The following CASP4 variants were observed in gnomAD, a reference collection of about 807,000 sequenced individuals.
CASP4 encodes the protein caspase 4.
A neutral mutation model predicts 41.3 loss-of-function variants in CASP4; 29 were observed. The ratio of observed to expected loss-of-function variants is 0.70; its 90% CI spans 0.52 to 0.96. The LOEUF is 0.96. Among genes scored for constraint, CASP4 ranks in the 40% least tolerant of loss-of-function variants. The pLI is 0.00. For synonymous variants in CASP4, 185 were observed against 158.4 expected, an observed-to-expected ratio of 1.17 and a Z score of -1.26; for missense variants, 447 against 460.6, an observed-to-expected ratio of 0.97 and a Z score of 0.27.
chr11:104,946,334 A>C (rs1860457867), intron 7 of CASP4, among the ~76,000 whole-genome samples: 2 of 152,184 alleles, frequency 1.3e-5, no homozygotes, highest in South Asian at 4.1e-4. Context: ...ATAATTATTA[A>C]TTGAATATCT....
At chr11:104,953,971 G>C (rs1038486672) in intron 2 of CASP4, among the ~76,000 whole-genome samples, 1 of 152,124 alleles carries the variant, frequency 6.6e-6, no homozygotes, top group Non-Finnish European at 1.5e-5. Context: ...ATGAAAACTA[G>C]TATTTATTGA....
rs139811045 is a variant in CASP4 at position 104,951,064 on chromosome 11, C to T, written c.407G>A (p.Arg136His). The change falls in exon 4 of 9, where the codon CGC (arginine) becomes CAC (histidine). Residue 136 changes from arginine to histidine, a missense_variant. Physicochemically the swap from Arg to His is conservative, Grantham distance 29 (BLOSUM62 0). Transcript: ENST00000444739. ...YPIKERNNRTRLALIICNTEF... is the reference protein window; with the variant it reads ...YPIKERNNRTHLALIICNTEF... ...TGTATTGCATATGATGAGAGCCAGG[C>T]GTGTGCGGTTGTTTCTCTCCTTTAT... 2.1e-4 allele frequency: 340 copies of T among 1,613,076 alleles called. 3 individuals carry two copies. Among genetic ancestry groups the T allele is most frequent in the Non-Finnish European group, 2.5e-4 (292 of 1,179,438 alleles).
intron 1 of CASP4, among the ~76,000 whole-genome samples, chr11:104,959,339 C>A (rs1860808333): frequency 6.6e-6 from 1 of 152,012 alleles, no homozygotes; most frequent in South Asian, 2.1e-4. Flanking sequence ...AGGCCAGGCA[C>A]CAAAACACAA....
In CASP4 at chr11:104,954,931, C is replaced by T. The variant is rs55767261; in HGVS notation, c.78G>A (p.Leu26=). ...SLGKDFLTGV[L]DNLVEQNVLN... ...GTACATTTTGTTCCACCAAGTTATC[C>T]AAAACACCAGTGAGGAAATCTTTGC... Residue 26 remains leucine (L), a synonymous_variant, in exon 2 of 9, where the codon TTG becomes TTA. Coordinates refer to ENST00000444739, the MANE Select transcript of CASP4 (RefSeq NM_001225.4). 30 of 1,613,356 alleles carry T rather than the reference C, an allele frequency of 1.9e-5. No individual in the cohort carries two copies. In the Admixed American group the frequency reaches 4.8e-4, roughly 26 times the overall value.
chr11:104,948,157 C>G (rs1323375463), intron 6 of CASP4: 3 of 153,604 alleles, frequency 2.0e-5, no homozygotes, highest in African/African-American at 7.2e-5. Flanking sequence ...AGGGTATCCA[C>G]AGTTCTAGCA....
chr11:104,964,539 T>C (rs1414563300), intron 1 of CASP4, among the ~76,000 whole-genome samples: 11 of 152,248 alleles, frequency 7.2e-5, no homozygotes, highest in African/African-American at 2.7e-4. Flanking sequence ...TCTGTTTTCT[T>C]TTGTAACATG....
Position 104,949,651 on chromosome 11 carries a change from T to C in CASP4, c.673A>G (p.Lys225Glu). 10 of 1,613,936 alleles carry C rather than the reference T, an allele frequency of 6.2e-6. No individual in the cohort carries two copies. Among genetic ancestry groups the C allele is most frequent in the Non-Finnish European group, 8.5e-6 (10 of 1,179,896 alleles). ...GTGTCATAAAGCAGCACATCTGGTT[T>C]TTTCTCATCATGCACAGTTCCGCAG... ...GICGTVHDEK[K>E]PDVLLYDTIF... is the part of the protein sequence containing the mutation. Residue 225 changes from lysine (K) to glutamate (E), a missense_variant, in exon 5 of 9, where the codon AAA becomes GAA. Physicochemically the swap from Lys to Glu is moderately conservative, Grantham distance 56. Transcript: ENST00000444739.
chr11:104,951,946 G>T lies in CASP4; in HGVS notation c.322C>A (p.Leu108Ile), dbSNP rs777226856. The change falls in exon 3 of 9, where the codon CTT (leucine) becomes ATT (isoleucine). Residue 108 changes from leucine to isoleucine, a missense_variant. Leu to Ile is a conservative substitution (Grantham distance 5). Coordinates refer to ENST00000444739, the MANE Select transcript of CASP4 (RefSeq NM_001225.4). ...CTCAGGAATTCTTCATGAGGACAAA[G>T]CTTGAGGGCATCTGTAGATTCTCCT... ...ESGESTDALK[L>I]CPHEEFLRLC... 1.9e-6 allele frequency: 3 copies of T among 1,612,940 alleles called. No individual in the cohort carries two copies. Among genetic ancestry groups the T allele is most frequent in the Middle Eastern group, 3.3e-4 (2 of 6,060 alleles).
intron 1 of CASP4, among the ~76,000 whole-genome samples, chr11:104,960,244 TTAGGGATCTGTA>T (rs2134654005): frequency 6.6e-6 from 1 of 152,268 alleles, no homozygotes; most frequent in African/African-American, 2.4e-5. Flanking sequence ...AAGTCTCTAC[TTAGGGATCTGTA>T]TAGTTTCAGC....
chr11:104,943,129 A>T, intron 8 of CASP4, 156 bp from the exon 9 acceptor site: 1 of 361,394 alleles, frequency 2.8e-6, no homozygotes, highest in South Asian at 2.1e-5. Context: ...CCAAAATGTG[A>T]TCTTTGTAAA....
intron 6 of CASP4, 169 bp downstream of exon 6, chr11:104,948,364 G>T: frequency 9.7e-6 from 5 of 513,102 alleles, no homozygotes; most frequent in Non-Finnish European, 1.6e-5. Context: ...CCATGTATCG[G>T]GTTGCTTTAG....
intron 4 of CASP4, among the ~76,000 whole-genome samples, chr11:104,950,157 G>C (rs1256470088): frequency 6.6e-6 from 1 of 152,032 alleles, no homozygotes. Flanking sequence ...CTTCTGGCCT[G>C]ACCATACACC....
At position 104,948,603 on chromosome 11, in the gene CASP4, G is replaced by T; in HGVS notation, c.855C>A (p.Asn285Lys). The change falls in exon 6 of 9, where the codon AAC becomes AAA. Residue 285 changes from asparagine (N) to lysine (K), a missense_variant. Physicochemically the swap from Asn to Lys is moderately conservative, Grantham distance 94. Coordinates refer to ENST00000444739, the MANE Select transcript of CASP4 (RefSeq NM_001225.4). ...TCTTGTAAACAGCATCTTCCTCTAGGTTCTCAGATGACTGTGAAGAGGCCA... is the reference window on the plus strand; with the variant it reads ...TCTTGTAAACAGCATCTTCCTCTAGTTTCTCAGATGACTGTGAAGAGGCCA... Reference protein sequence around the residue: ...LEVASSQSSENLEEDAVYKTH... With the variant: ...LEVASSQSSEKLEEDAVYKTH... 6.2e-7 allele frequency: 1 copy of T among 1,611,242 alleles called. No homozygotes were observed. The highest frequency in any genetic ancestry group is 8.5e-7 in the Non-Finnish European group (1 of 1,178,288).
At chr11:104,953,310 C>T (rs1009219953) in intron 2 of CASP4, among the ~76,000 whole-genome samples, 6 of 152,158 alleles carry the variant, frequency 3.9e-5, no homozygotes, top group African/African-American at 9.6e-5. Flanking sequence ...GAGGGGTTGC[C>T]GCTGCCTTAT....
intron 1 of CASP4, 83 bp from the exon 2 acceptor site, chr11:104,955,084 G>T: frequency 7.4e-7 from 1 of 1,347,712 alleles, no homozygotes; most frequent in Non-Finnish European, 1.0e-6. Context: ...TCTATAATGT[G>T]AAATACTTCT....
intron 1 of CASP4, among the ~76,000 whole-genome samples, chr11:104,960,979 T>C (rs1025241977): frequency 2.0e-5 from 3 of 152,262 alleles, no homozygotes; most frequent in Non-Finnish European, 4.4e-5. Context: ...ATAAAACTTA[T>C]GTGTGGCTCA....
chr11:104,948,520 G>A lies in CASP4; in HGVS notation c.925+13C>T. ...GGCCCACAAATCCCTTACTGCCACTGAAAGATACATACGTGGCGTTGAAGA... is the reference window on the plus strand; with the variant it reads ...GGCCCACAAATCCCTTACTGCCACTAAAAGATACATACGTGGCGTTGAAGA... On this transcript the variant is annotated intron_variant, in intron 6 of 8. Coordinates refer to ENST00000444739, the MANE Select transcript of CASP4 (RefSeq NM_001225.4). 6.3e-7 allele frequency: 1 copy of A among 1,576,276 alleles called. No individual in the cohort carries two copies. Among genetic ancestry groups the A allele is most frequent in the Non-Finnish European group, 8.7e-7 (1 of 1,155,694 alleles).
chr11:104,955,190 T>C (rs551863721), intron 1 of CASP4, among the ~76,000 whole-genome samples, 189 bp from the exon 2 acceptor site: 2 of 152,296 alleles, frequency 1.3e-5, no homozygotes, highest in South Asian at 4.1e-4. Flanking sequence ...TTATTGCCAC[T>C]AAATACTTTT....
At chr11:104,968,142 A>C (rs1484799691) in intron 1 of CASP4, among the ~76,000 whole-genome samples, 1 of 152,214 alleles carries the variant, frequency 6.6e-6, no homozygotes, top group Non-Finnish European at 1.5e-5. Flanking sequence ...AGGCTCTCAG[A>C]TCTGATTCTG....
Sources: allele counts gnomAD v4.1 joint callset (sites outside exome capture counted in the v4.1 genomes callset), GRCh38; gene constraint gnomAD v4.1.1; transcripts MANE v1.5; gene names NCBI Gene and HGNC (gene_info 2026-07-23, HGNC 2026-07-21).